Variants in DLGAP1 observed in about 807,000 individuals in gnomAD.
DLGAP1 encodes disks large-associated protein 1.
Under a neutral mutation model 90.8 loss-of-function variants are expected in DLGAP1, and 11 were observed. That is an observed-to-expected ratio of 0.12 (90% CI 0.08 to 0.20). The LOEUF is 0.20. Among genes scored for constraint, DLGAP1 ranks in the 10% least tolerant of loss-of-function variants. The pLI is 1.00. For missense variants in DLGAP1, 1,050 were observed against 1,333.8 expected (o/e 0.79, Z 3.31); for synonymous variants, 558 against 540.7 (o/e 1.03, Z -0.44).
At chr18:3,545,986 A>G (rs186426090) in intron 9 of DLGAP1, among the ~76,000 whole-genome samples, 14 of 152,232 alleles carry the variant, frequency 9.2e-5, no homozygotes, top group Non-Finnish European at 1.8e-4. Flanking sequence ...GAACTACTAG[A>G]AGAAATAGAC....
intron 3 of DLGAP1, among the ~76,000 whole-genome samples, chr18:3,929,019 C>T (rs2072456257): frequency 6.6e-6 from 1 of 152,176 alleles, no homozygotes; most frequent in Non-Finnish European, 1.5e-5. Context: ...CTTCCTCCTG[C>T]TCTGGCCATG....
intron 8 of DLGAP1, among the ~76,000 whole-genome samples, chr18:3,581,536 C>T (rs2055511042): frequency 6.6e-6 from 1 of 151,712 alleles, no homozygotes; most frequent in African/African-American, 2.4e-5. Flanking sequence ...GGCACACAGA[C>T]ATTGGAATAT....
chr18:4,177,894 G>A (rs2077137573), intron 1 of DLGAP1, among the ~76,000 whole-genome samples: 1 of 152,026 alleles, frequency 6.6e-6, no homozygotes, highest in Admixed American at 6.6e-5. Context: ...TTGATTCCAT[G>A]TCTTTGCTAT....
chr18:3,561,706 C>T (rs929749228), intron 9 of DLGAP1, among the ~76,000 whole-genome samples: 5 of 150,738 alleles, frequency 3.3e-5, no homozygotes, highest in African/African-American at 7.5e-5. Context: ...GCATGGTTTC[C>T]GAGAAGTTGG....
intron 3 of DLGAP1, among the ~76,000 whole-genome samples, chr18:3,936,115 C>G (rs927741940): frequency 8.5e-5 from 13 of 152,158 alleles, no homozygotes; most frequent in African/African-American, 2.9e-4. Flanking sequence ...CTGAACCCCC[C>G]CAGAGACTTA....
intron 2 of DLGAP1, among the ~76,000 whole-genome samples, chr18:4,071,239 TG>T (rs2075442468): frequency 2.0e-4 from 1 of 5,126 alleles, no homozygotes; most frequent in Non-Finnish European, 5.7e-4. Context: ...AAGATATACA[TG>T]TGTGTGTGTG....
intron 5 of DLGAP1, among the ~76,000 whole-genome samples, chr18:3,780,763 T>C (rs2065152499): frequency 6.6e-6 from 1 of 152,206 alleles, no homozygotes; most frequent in Non-Finnish European, 1.5e-5. Context: ...CATGTATTTC[T>C]CCTACTTTAT....
intron 1 of DLGAP1, among the ~76,000 whole-genome samples, chr18:4,257,404 T>A (rs73376936): frequency 0.015 from 2,351 of 152,338 alleles, 54 homozygotes; most frequent in African/African-American, 0.052. Flanking sequence ...ATACAGTGAA[T>A]GTATATGTTA....
rs528965446 is a variant in DLGAP1, at chr18:3,689,954, C to T, written c.1591+39181G>A. Among the ~76,000 whole-genome samples, 8 of 151,862 alleles carry T rather than the reference C, an allele frequency of 5.3e-5. No homozygotes were observed. In the South Asian group the frequency reaches 1.7e-3, roughly 32 times the overall value. ...GTTTTTAAATTTATTTCTAGAACACCTCATAAAATCCTGGCATATAGTTTG... is the reference window on the plus strand; with the variant it reads ...GTTTTTAAATTTATTTCTAGAACACTTCATAAAATCCTGGCATATAGTTTG... On this transcript the variant is annotated intron_variant, in intron 7 of 12. Coordinates refer to ENST00000315677, the MANE Select transcript of DLGAP1 (RefSeq NM_004746.4).
At chr18:3,805,022 A>C (rs1189456728) in intron 5 of DLGAP1, among the ~76,000 whole-genome samples, 1 of 152,234 alleles carries the variant, frequency 6.6e-6, no homozygotes, top group Non-Finnish European at 1.5e-5. Flanking sequence ...CTCCCCCATT[A>C]GATCGCAAGT....
intron 7 of DLGAP1, among the ~76,000 whole-genome samples, chr18:3,694,027 C>A (rs2060993394): frequency 6.8e-6 from 1 of 146,716 alleles, no homozygotes; most frequent in Non-Finnish European, 1.5e-5. Context: ...CTATCCCTCC[C>A]CTAGCCACCC....
chr18:4,123,466 G>A (rs1416928077), intron 2 of DLGAP1, among the ~76,000 whole-genome samples: 9 of 152,262 alleles, frequency 5.9e-5, no homozygotes, highest in South Asian at 4.1e-4. Context: ...AAGTCTACTC[G>A]TGGAAATATA....
chr18:3,794,979 A>C (rs1027887139), intron 5 of DLGAP1, among the ~76,000 whole-genome samples: 1 of 152,254 alleles, frequency 6.6e-6, no homozygotes. Context: ...ATCCTGAAGA[A>C]TATGGAATAT....
At chr18:3,645,110 C>CT (rs1004154332) in intron 7 of DLGAP1, among the ~76,000 whole-genome samples, 3 of 151,502 alleles carry the variant, frequency 2.0e-5, no homozygotes, top group African/African-American at 7.3e-5. Context: ...TTTTGTTTTT[C>CT]TTTTTTGAGA....
At chr18:4,104,234 T>G (rs1364226117) in intron 2 of DLGAP1, among the ~76,000 whole-genome samples, 2 of 152,170 alleles carry the variant, frequency 1.3e-5, no homozygotes, top group Non-Finnish European at 2.9e-5. Context: ...CCACCTTATC[T>G]TCTTCTGTGA....
chr18:3,866,669 G>A (rs1215186250), intron 4 of DLGAP1, among the ~76,000 whole-genome samples: 1 of 152,164 alleles, frequency 6.6e-6, no homozygotes, highest in Non-Finnish European at 1.5e-5. Flanking sequence ...GATGGTGTGT[G>A]TTCTTGGAAA....
At chr18:3,600,776 A>C (rs1344758289) in intron 7 of DLGAP1, among the ~76,000 whole-genome samples, 1 of 65,230 alleles carries the variant, frequency 1.5e-5, no homozygotes, top group African/African-American at 6.1e-5. Flanking sequence ...ATATATATAG[A>C]TATATAGATA....
At chr18:3,505,530 C>G (rs1329391779) in intron 11 of DLGAP1, among the ~76,000 whole-genome samples, 1 of 148,738 alleles carries the variant, frequency 6.7e-6, no homozygotes, top group Non-Finnish European at 1.5e-5. Context: ...CCCAGCTACT[C>G]GGGAGGCTGA....
At chr18:3,833,669 G>A (rs753865864) in intron 4 of DLGAP1, among the ~76,000 whole-genome samples, 6 of 152,182 alleles carry the variant, frequency 3.9e-5, no homozygotes, top group Non-Finnish European at 2.9e-5. Context: ...TAGCACGTGT[G>A]ATCAATGAAA....
Sources: allele counts gnomAD v4.1 joint callset (sites outside exome capture counted in the v4.1 genomes callset), GRCh38; gene constraint gnomAD v4.1.1; transcripts MANE v1.5; gene names NCBI Gene and HGNC (gene_info 2026-07-23, HGNC 2026-07-21).